Variants in EDNRB observed in about 807,000 individuals in gnomAD.
EDNRB encodes Hirschsprung disease 2.
Under a neutral mutation model 46.4 loss-of-function variants are expected in EDNRB, and 18 were observed. The observed-to-expected ratio is 0.39, with a 90% confidence interval of 0.27 to 0.57. The LOEUF is 0.57. EDNRB is among the 20% of genes least tolerant of loss of function. The pLI is 0.61. For missense variants in EDNRB, 434 were observed against 537.5 expected, an observed-to-expected ratio of 0.81 and a Z score of 1.90; for synonymous variants, 213 against 204.9, an observed-to-expected ratio of 1.04 and a Z score of -0.34.
At chr13:77,911,447 G>C (rs778952473) in intron 1 of EDNRB, among the ~76,000 whole-genome samples, 1 of 152,002 alleles carries the variant, frequency 6.6e-6, no homozygotes, top group Non-Finnish European at 1.5e-5. Flanking sequence ...AGAAGACAGC[G>C]TACAGTGTAA....
intron 1 of EDNRB, among the ~76,000 whole-genome samples, chr13:77,953,173 G>T (rs917002385): frequency 6.6e-6 from 1 of 152,020 alleles, no homozygotes; most frequent in African/African-American, 2.4e-5. Flanking sequence ...TACCAAACTT[G>T]GTTTAGATTT....
intron 1 of EDNRB, among the ~76,000 whole-genome samples, chr13:77,968,508 A>C (rs1331562250): frequency 1.3e-5 from 2 of 152,180 alleles, no homozygotes; most frequent in Non-Finnish European, 2.9e-5. Flanking sequence ...TTTTTTTTCA[A>C]CTATGAATTG....
At chr13:77,955,663 A>G (rs1233387984) in intron 1 of EDNRB, among the ~76,000 whole-genome samples, 6 of 152,178 alleles carry the variant, frequency 3.9e-5, no homozygotes, top group Non-Finnish European at 7.4e-5. Context: ...ATGTAAGATA[A>G]TGGTTCAATT....
At chr13:77,973,688 C>T (rs933930509) in intron 1 of EDNRB, among the ~76,000 whole-genome samples, 3 of 152,040 alleles carry the variant, frequency 2.0e-5, no homozygotes, top group African/African-American at 7.2e-5. Context: ...ATATACCTTG[C>T]ACATAAACTG....
At chr13:77,967,124 T>C (rs1566342065) in intron 1 of EDNRB, among the ~76,000 whole-genome samples, 1 of 152,192 alleles carries the variant, frequency 6.6e-6, no homozygotes, top group Non-Finnish European at 1.5e-5. Context: ...AATAATAATA[T>C]TTCTTTTTCA....
In EDNRB at chr13:77,918,181, G is replaced by A; in HGVS notation, c.393C>T (p.Cys131=). The A allele has an allele frequency of 6.2e-7, 1 of 1,614,170 alleles. No individual in the cohort carries two copies. The highest frequency in any genetic ancestry group is 8.5e-7 in the Non-Finnish European group (1 of 1,180,042). The change falls in exon 1 of 7, where the codon TGC becomes TGT. Residue 131 remains cysteine (C), a synonymous_variant. Coordinates refer to ENST00000646607, the MANE Select transcript of EDNRB (RefSeq NM_001122659.3). The surrounding 1 kb of genome is among the most constrained non-coding windows in gnomAD (Gnocchi z 4.5). ...TCAAGATATTGGGACCGTTTCGCAT[G>A]CACTTGTTCTTGTAGATAATTCTCA... is the stretch of plus-strand genomic sequence containing the variant. ...TLLRIIYKNK[C]MRNGPNILIA...
At chr13:77,949,361 T>C (rs529830706) in intron 1 of EDNRB, among the ~76,000 whole-genome samples, 1 of 152,318 alleles carries the variant, frequency 6.6e-6, no homozygotes, top group South Asian at 2.1e-4. Context: ...TAAGTTCTTC[T>C]ACGGCAGTCT....
chr13:77,927,502 G>T (rs951412247), intron 1 of EDNRB, among the ~76,000 whole-genome samples: 12 of 152,208 alleles, frequency 7.9e-5, no homozygotes, highest in African/African-American at 2.9e-4. Context: ...TGGCAAGAAA[G>T]TAGACCTGAT....
At chr13:77,928,490 AT>A (rs1880301526) in intron 1 of EDNRB, among the ~76,000 whole-genome samples, 1 of 152,196 alleles carries the variant, frequency 6.6e-6, no homozygotes, top group South Asian at 2.1e-4. Context: ...AGAATATGAT[AT>A]TTTAAGGAGT....
rs772228345 is a variant in EDNRB, at chr13:77,915,764, G to A, written c.483+2327C>T. On this transcript the variant is annotated intron_variant, in intron 1 of 6. Transcript: ENST00000646607. ...ATAATGATGACCTTAGTGATGGGACGTAATGTGATGAATGTGTTTGTGACC... is the reference window on the plus strand; with the variant it reads ...ATAATGATGACCTTAGTGATGGGACATAATGTGATGAATGTGTTTGTGACC... Among the ~76,000 whole-genome samples the A allele has an allele frequency of 4.6e-5, 7 of 152,182 alleles. 1 individual carries two copies. Among genetic ancestry groups the A allele is most frequent in the South Asian group, 4.1e-4 (2 of 4,830 alleles).
chr13:77,972,368 T>C (rs1881761187), intron 1 of EDNRB, among the ~76,000 whole-genome samples: 1 of 152,228 alleles, frequency 6.6e-6, no homozygotes, highest in African/African-American at 2.4e-5. Context: ...CCTGTCTTAA[T>C]TGCTAAAGTT....
intron 1 of EDNRB, among the ~76,000 whole-genome samples, chr13:77,915,570 T>C (rs1363987782): frequency 6.6e-6 from 1 of 152,216 alleles, no homozygotes; most frequent in Non-Finnish European, 1.5e-5. Flanking sequence ...TTCACCTCTC[T>C]GACAAGTAGT....
chr13:77,900,756 G>A, intron 4 of EDNRB, 102 bp from the exon 5 acceptor site: 6 of 1,530,684 alleles, frequency 3.9e-6, no homozygotes, highest in Non-Finnish European at 5.4e-6. Context: ...AAAGTCAGTG[G>A]CATATGTAAA....
chr13:77,931,484 C>A (rs1421922831), intron 1 of EDNRB, among the ~76,000 whole-genome samples: 1 of 152,142 alleles, frequency 6.6e-6, no homozygotes, highest in Non-Finnish European at 1.5e-5. Flanking sequence ...GCTTTCCTCT[C>A]AAGGACCTTC....
At chr13:77,967,006 G>T (rs1182086064) in intron 1 of EDNRB, among the ~76,000 whole-genome samples, 1 of 152,080 alleles carries the variant, frequency 6.6e-6, no homozygotes, top group Non-Finnish European at 1.5e-5. Flanking sequence ...TAGTTTAATT[G>T]TTTCCAAAGA....
intron 1 of EDNRB, among the ~76,000 whole-genome samples, chr13:77,934,982 CA>C (rs1275217695): frequency 1.3e-4 from 18 of 142,518 alleles, no homozygotes; most frequent in East Asian, 8.3e-4. Flanking sequence ...GGTGTGGTAT[CA>C]GGAATAATGT....
chr13:77,950,894 C>A (rs972540043), intron 1 of EDNRB, among the ~76,000 whole-genome samples: 2 of 152,170 alleles, frequency 1.3e-5, no homozygotes, highest in Non-Finnish European at 2.9e-5. Flanking sequence ...TGCCACGGTT[C>A]CCATGAAGGA....
chr13:77,958,596 G>T (rs1031842771), intron 1 of EDNRB, among the ~76,000 whole-genome samples: 1 of 151,964 alleles, frequency 6.6e-6, no homozygotes, highest in Non-Finnish European at 1.5e-5. Flanking sequence ...GGATGGTCTC[G>T]ATCTCCTGAC....
At chr13:77,960,732 A>G (rs1881382733) in intron 1 of EDNRB, among the ~76,000 whole-genome samples, 1 of 152,194 alleles carries the variant, frequency 6.6e-6, no homozygotes, top group Non-Finnish European at 1.5e-5. Context: ...CAGTTAAAAG[A>G]CACAGACTGG....
Sources: gnomAD v4.1 joint callset for allele counts (sites outside exome capture counted in the v4.1 genomes callset) on GRCh38, gnomAD v4.1.1 for gene constraint, Gnocchi (gnomAD v3.1) non-coding constraint, MANE v1.5 for transcripts, NCBI Gene and HGNC (gene_info 2026-07-23, HGNC 2026-07-21) for gene names.